The following TLR5 variants were observed in gnomAD, a reference collection of about 807,000 sequenced individuals.
TLR5 encodes the protein toll-like receptor 5.
For missense variants in TLR5, 944 were observed against 999.8 expected (o/e 0.94, Z 0.75); for synonymous variants, 373 against 384.4 (o/e 0.97, Z 0.35).
In TLR5 at chr1:223,120,398, G is replaced by C. The variant is rs188980693; in HGVS notation, c.-4-7363C>G. 2.6e-3 allele frequency among the ~76,000 whole-genome samples: 403 copies of C among 152,310 alleles called. 7 individuals carry two copies. The highest frequency in any genetic ancestry group is 0.024 in the Admixed American group (361 of 15,298). ...CTTTCAATCCACCTATGACCTGGAA[G>C]CCCCAGGCTTTGAGTTGTCCTACCT... is the stretch of plus-strand genomic sequence containing the variant. On this transcript the variant is annotated intron_variant, in intron 5 of 5. Transcript: ENST00000642603.
chr1:223,141,994 G>C (rs971085388), intron 1 of TLR5, among the ~76,000 whole-genome samples: 1 of 152,126 alleles, frequency 6.6e-6, no homozygotes, highest in East Asian at 1.9e-4. Flanking sequence ...ACTTCTCCCA[G>C]GGCCCTGCTC....
rs527804452 is a variant in TLR5, at chr1:223,136,834, A to AT, written c.-353+343dup. On this transcript the variant is annotated intron_variant, in intron 3 of 5. Coordinates refer to ENST00000642603, the MANE Select transcript of TLR5 (RefSeq NM_003268.6). ...AAATTATTTATTGACTGTTTTTTAA[A>AT]TTTTTTTTTTTGAGACAGAGTCTCA... Among the ~76,000 whole-genome samples, 1,109 of 149,032 alleles carry AT rather than the reference A, an allele frequency of 7.4e-3. 7 individuals are homozygous for AT. Among genetic ancestry groups the AT allele is most frequent in the Middle Eastern group, 0.014 (4 of 288 alleles).
chr1:223,142,527 G>A (rs1481988987), intron 1 of TLR5, among the ~76,000 whole-genome samples: 1 of 152,150 alleles, frequency 6.6e-6, no homozygotes, highest in Non-Finnish European at 1.5e-5. Flanking sequence ...GCCACAGCAT[G>A]GTCCCAGACC....
At chr1:223,129,658 C>T (rs969166163) in intron 5 of TLR5, 4 of 152,308 alleles carry the variant, frequency 2.6e-5, no homozygotes, top group African/African-American at 9.6e-5. Flanking sequence ...GCAGCTCACT[C>T]GTGCAAACGT....
intron 5 of TLR5, among the ~76,000 whole-genome samples, chr1:223,120,255 C>A (rs1360305812): frequency 1.3e-5 from 2 of 152,088 alleles, no homozygotes; most frequent in Non-Finnish European, 2.9e-5. Context: ...ACCATCTATT[C>A]TTTCTAAAGC....
chr1:223,123,938 C>T (rs1449246902), intron 5 of TLR5: 1 of 152,196 alleles, frequency 6.6e-6, no homozygotes, highest in Admixed American at 6.5e-5. Flanking sequence ...AACTAAAATT[C>T]TCAAGGGGGC....
intron 5 of TLR5, chr1:223,127,918 G>C (rs1046844091): frequency 2.0e-5 from 3 of 152,468 alleles, no homozygotes; most frequent in Non-Finnish European, 1.5e-5. Flanking sequence ...GCAGCACCTG[G>C]GCTTAGCGAG....
At chr1:223,136,190 G>A (rs946831501) in intron 3 of TLR5, among the ~76,000 whole-genome samples, 1 of 152,204 alleles carries the variant, frequency 6.6e-6, no homozygotes, top group Non-Finnish European at 1.5e-5. Flanking sequence ...GGGTCTGTCA[G>A]CACCAGGAAG....
At chr1:223,122,435 A>G (rs1656991171) in intron 5 of TLR5, among the ~76,000 whole-genome samples, 1 of 152,190 alleles carries the variant, frequency 6.6e-6, no homozygotes, top group African/African-American at 2.4e-5. Flanking sequence ...GCCCTTACTC[A>G]GTGGTACCTG....
chr1:223,122,134 T>C (rs1656979249), intron 5 of TLR5, among the ~76,000 whole-genome samples: 1 of 152,170 alleles, frequency 6.6e-6, no homozygotes, highest in Non-Finnish European at 1.5e-5. Context: ...TCAGGTGCCA[T>C]GGGAGGTGCT....
chr1:223,139,629 T>TG (rs1331703072), intron 2 of TLR5, among the ~76,000 whole-genome samples: 1 of 152,006 alleles, frequency 6.6e-6, no homozygotes, highest in African/African-American at 2.4e-5. Flanking sequence ...CTGCAGTGGC[T>TG]CAGAAGGTAG....
rs1021154861 is a variant in TLR5 at position 223,127,153 on chromosome 1, G to C, written c.-5+5322C>G. The C allele has an allele frequency of 3.3e-5, 5 of 152,260 alleles. 1 individual carries two copies. Among genetic ancestry groups the C allele is most frequent in the Non-Finnish European group, 1.5e-5 (1 of 68,102 alleles). The allele number at this position is 152,260 out of a possible 1,614,324, so 9.4% of individuals were successfully genotyped here. On this transcript the variant is annotated intron_variant, in intron 5 of 5. Coordinates refer to ENST00000642603, the MANE Select transcript of TLR5 (RefSeq NM_003268.6). ...CTGCTCCTGTGTCAAGTTAATGCTT[G>C]ATCCCTAATAGATAATTCCAGTCAC...
intron 5 of TLR5, among the ~76,000 whole-genome samples, chr1:223,115,878 G>A (rs1390913608): frequency 6.6e-6 from 1 of 152,140 alleles, no homozygotes; most frequent in East Asian, 1.9e-4. Flanking sequence ...CAGCACCAAG[G>A]TCCTAGGGTG....
rs780333903 is a variant in TLR5 at position 223,110,670 on chromosome 1, T to TGA, written c.2360_2361dup (p.Ile788SerfsTer14). 2 of 1,614,170 alleles carry TGA rather than the reference T, an allele frequency of 1.2e-6. No individual in the cohort carries two copies. Among genetic ancestry groups the TGA allele is most frequent in the Non-Finnish European group, 1.7e-6 (2 of 1,180,032 alleles). On this transcript the variant is annotated frameshift_variant, in exon 6 of 6. Transcript: ENST00000642603. LOFTEE classifies it low-confidence loss of function (END_TRUNC). ...GACAAGGACCCAACCACCACCATGA[T>TGA]GAGAGCACTGTTAAGGTCAGATAAG...
rs1240385665 is a variant in TLR5 at position 223,119,992 on chromosome 1, TA to T, written c.-4-6958del. 6.6e-3 allele frequency among the ~76,000 whole-genome samples: 359 copies of T among 54,258 alleles called. 33 individuals carry two copies. The highest frequency in any genetic ancestry group is 0.039 in the African/African-American group (341 of 8,664). 35.6% of individuals were successfully genotyped at this position (54,258 alleles called of 152,430 possible). A position where few individuals can be genotyped will look rare whatever the true frequency, so the allele number is the denominator to read the frequency against. The stretch of plus-strand genomic sequence containing the variant: ...ATAAAATAAAATAAATAAAATAAAA[TA>T]AAATAAAATAAAATAAAATAAAATA... On this transcript the variant is annotated intron_variant, in intron 5 of 5. Transcript: ENST00000642603.
At chr1:223,141,227 C>A (rs1196255757) in intron 2 of TLR5, among the ~76,000 whole-genome samples, 2 of 152,166 alleles carry the variant, frequency 1.3e-5, no homozygotes, top group African/African-American at 2.4e-5. Context: ...TCCTGATGCA[C>A]GGGAATGAAC....
intron 2 of TLR5, among the ~76,000 whole-genome samples, chr1:223,140,243 G>GCA (rs1323744941): frequency 6.6e-6 from 1 of 152,052 alleles, no homozygotes; most frequent in Non-Finnish European, 1.5e-5. Flanking sequence ...AGTAAAGGAG[G>GCA]CACACAAAAA....
chr1:223,121,649 G>T (rs1310577914), intron 5 of TLR5, among the ~76,000 whole-genome samples: 1 of 152,154 alleles, frequency 6.6e-6, no homozygotes. Flanking sequence ...CTCCTGAATA[G>T]CTGGGACCAC....
chr1:223,110,837 C>T lies in TLR5; in HGVS notation c.2195G>A (p.Arg732Lys). 6.2e-7 allele frequency: 1 copy of T among 1,614,230 alleles called. No individual in the cohort carries two copies. Among genetic ancestry groups the T allele is most frequent in the Non-Finnish European group, 8.5e-7 (1 of 1,180,044 alleles). The change falls in exon 6 of 6, where the codon AGA (arginine) becomes AAA (lysine). Residue 732 changes from arginine (R) to lysine (K), a missense_variant. By Grantham distance (26) the Arg-to-Lys change is conservative. Coordinates refer to ENST00000642603, the MANE Select transcript of TLR5 (RefSeq NM_003268.6). ...GCGGTTTTCTCCTGGGACAAAGTCTCTTTCTTCAAAGCACAGGTTGAATCT... is the reference window on the plus strand; with the variant it reads ...GCGGTTTTCTCCTGGGACAAAGTCTTTTTCTTCAAAGCACAGGTTGAATCT... ...QNRFNLCFEE[R>K]DFVPGENRIA...
Sources: gnomAD v4.1 joint callset for allele counts (sites outside exome capture counted in the v4.1 genomes callset) on GRCh38, gnomAD v4.1.1 for gene constraint, MANE v1.5 for transcripts, NCBI Gene and HGNC (gene_info 2026-07-23, HGNC 2026-07-21) for gene names.